Variants in RALGAPA1 observed in about 807,000 individuals in gnomAD.
RALGAPA1 encodes the protein ral GTPase-activating protein subunit alpha-1.
RALGAPA1 carries 52 observed loss-of-function variants against 269.6 expected under a neutral mutation model. The observed-to-expected ratio is 0.19, with a 90% CI of 0.15 to 0.24. RALGAPA1 has a LOEUF of 0.24. Ranked by LOEUF, RALGAPA1 falls within the 10% of genes least tolerant of loss-of-function variation. The pLI, the probability that RALGAPA1 is intolerant of heterozygous loss-of-function variation, is 1.00. For missense variants in RALGAPA1, 1,917 were observed against 3,013.9 expected (o/e 0.64, Z 8.52); for synonymous variants, 817 against 1,008.3 (o/e 0.81, Z 3.60).
chr14:35,556,694 A>G (rs1219123923), intron 39 of RALGAPA1, among the ~76,000 whole-genome samples: 5 of 152,168 alleles, frequency 3.3e-5, no homozygotes, highest in African/African-American at 9.7e-5. Flanking sequence ...CCTTTTAACC[A>G]TATTGCCAAG....
chr14:35,642,772 T>G (rs2062110983), intron 31 of RALGAPA1, among the ~76,000 whole-genome samples: 3 of 152,164 alleles, frequency 2.0e-5, no homozygotes, highest in Admixed American at 1.3e-4. Flanking sequence ...GAAGACAGTG[T>G]GGCAATTCCT....
chr14:35,599,143 A>G (rs2059115891), intron 36 of RALGAPA1, among the ~76,000 whole-genome samples: 1 of 152,188 alleles, frequency 6.6e-6, no homozygotes, highest in African/African-American at 2.4e-5. Flanking sequence ...GTTGTCATAA[A>G]TATTTCCTCT....
At chr14:35,620,727 CA>C (rs1423956540) in intron 35 of RALGAPA1, among the ~76,000 whole-genome samples, 16 of 151,982 alleles carry the variant, frequency 1.1e-4, no homozygotes, top group Admixed American at 1.0e-3. Context: ...AACAGACAAA[CA>C]AGAGAGTCAA....
chr14:35,751,892 G>A, intron 8 of RALGAPA1, 132 bp downstream of exon 8: 1 of 1,203,030 alleles, frequency 8.3e-7, no homozygotes, highest in South Asian at 2.5e-5. Context: ...ATGAATCTAG[G>A]TATCATATCT....
At chr14:35,648,132 A>C (rs1475515930) in intron 31 of RALGAPA1, among the ~76,000 whole-genome samples, 2 of 150,678 alleles carry the variant, frequency 1.3e-5, no homozygotes, top group South Asian at 2.1e-4. Flanking sequence ...AAAAAAAAAA[A>C]CCAACCAAAA....
At chr14:35,682,941 C>T (rs1448030042) in intron 21 of RALGAPA1, among the ~76,000 whole-genome samples, 2 of 152,120 alleles carry the variant, frequency 1.3e-5, no homozygotes, top group African/African-American at 2.4e-5. Context: ...TTTTAGAATT[C>T]CCCTGGCTCA....
intron 1 of RALGAPA1, among the ~76,000 whole-genome samples, chr14:35,790,615 G>A (rs1251088046): frequency 6.6e-6 from 1 of 151,172 alleles, no homozygotes; most frequent in Non-Finnish European, 1.5e-5. Flanking sequence ...TTGAACCGGG[G>A]AGGTGGAGAC....
chr14:35,761,034 T>A (rs2073653753), intron 5 of RALGAPA1, 28 bp from the exon 6 acceptor site: 1 of 1,490,416 alleles, frequency 6.7e-7, no homozygotes, highest in African/African-American at 1.4e-5. Flanking sequence ...TAGACAGTAT[T>A]TTTATTTATA....
At chr14:35,737,447 A>G (rs193183249) in intron 12 of RALGAPA1, among the ~76,000 whole-genome samples, 15 of 152,168 alleles carry the variant, frequency 9.9e-5, no homozygotes, top group African/African-American at 3.6e-4. Flanking sequence ...CCAGCTGCAT[A>G]TAAAAATACA....
At chr14:35,753,698 A>C (rs2072934861) in intron 7 of RALGAPA1, among the ~76,000 whole-genome samples, 1 of 152,120 alleles carries the variant, frequency 6.6e-6, no homozygotes, top group South Asian at 2.1e-4. Context: ...GAAAGGGTTG[A>C]GGGTAAGAGG....
At chr14:35,674,473 T>A in intron 23 of RALGAPA1, 43 bp downstream of exon 23, 1 of 1,521,278 alleles carries the variant, frequency 6.6e-7, no homozygotes, top group African/African-American at 1.4e-5. Context: ...TTTTTAAATA[T>A]TTTTATTTTC....
At chr14:35,773,401 ATC>A (rs1437070771) in intron 3 of RALGAPA1, among the ~76,000 whole-genome samples, 2 of 152,126 alleles carry the variant, frequency 1.3e-5, no homozygotes, top group African/African-American at 4.8e-5. Context: ...AAAACCTGGT[ATC>A]TCAGATCTTT....
intron 1 of RALGAPA1, among the ~76,000 whole-genome samples, chr14:35,798,669 T>C (rs2076750011): frequency 6.6e-6 from 1 of 152,164 alleles, no homozygotes; most frequent in Non-Finnish European, 1.5e-5. Flanking sequence ...TTAAAGGCAG[T>C]CCTTCATGCA....
At chr14:35,708,794 C>T (rs778017883) in intron 16 of RALGAPA1, among the ~76,000 whole-genome samples, 1 of 152,188 alleles carries the variant, frequency 6.6e-6, no homozygotes, top group African/African-American at 2.4e-5. Flanking sequence ...TATCTGCACT[C>T]CCATGTTTAT....
In RALGAPA1 at chr14:35,557,134, GTGTA is replaced by G. The variant is rs1348205366; in HGVS notation, c.7497-7904_7497-7901del. ...TGTGTGTGTGTGTGTGTGTGTGTGTGTGTATATATATTCTATTTTCATGAAAGTT... is the reference window on the plus strand; with the variant it reads ...TGTGTGTGTGTGTGTGTGTGTGTGTGTATATATTCTATTTTCATGAAAGTT... On this transcript the variant is annotated intron_variant, in intron 39 of 41. Transcript: ENST00000680220. 8.2e-5 allele frequency among the ~76,000 whole-genome samples: 12 copies of G among 146,908 alleles called. No individual in the cohort carries two copies. In the South Asian group the frequency reaches 1.3e-3, roughly 16 times the overall value.
At chr14:35,681,458 C>G (rs2065434201) in intron 21 of RALGAPA1, among the ~76,000 whole-genome samples, 1 of 152,108 alleles carries the variant, frequency 6.6e-6, no homozygotes, top group Non-Finnish European at 1.5e-5. Flanking sequence ...GGCAAAAGAC[C>G]TAAAACAGGT....
chr14:35,605,078 C>T (rs923773432), intron 36 of RALGAPA1, among the ~76,000 whole-genome samples: 4 of 152,082 alleles, frequency 2.6e-5, no homozygotes, highest in African/African-American at 2.4e-5. Flanking sequence ...CTAGAACTGT[C>T]TATTTTGTTG....
chr14:35,678,023 A>T lies in RALGAPA1; in HGVS notation c.4551T>A (p.Asp1517Glu). 3.7e-6 allele frequency: 6 copies of T among 1,613,418 alleles called. No homozygotes were observed. Among genetic ancestry groups the T allele is most frequent in the Non-Finnish European group, 5.1e-6 (6 of 1,179,826 alleles). Residue 1517 changes from aspartate to glutamate, a missense_variant, in exon 22 of 42, where the codon GAT (aspartate) becomes GAA (glutamate). Around this residue, in one of 11 missense-constraint regions of RALGAPA1, gnomAD observed 615 missense variants for 790.0 expected, o/e 0.78. Coordinates refer to ENST00000680220, the MANE Select transcript of RALGAPA1 (RefSeq NM_001346249.2). ...QTPSPSTLNI[D>E]HMEQKDLQLD... ...GCTGCAGATCCTTCTGTTCCATGTG[A>T]TCTATATTCAATGTAGAAGGGGAAG...
intron 41 of RALGAPA1, chr14:35,542,246 T>C (rs2054076561): frequency 3.0e-6 from 1 of 329,246 alleles, no homozygotes; most frequent in African/African-American, 2.2e-5. Context: ...AAAAATTCAG[T>C]TCCTCAGTAC....
Sources: gnomAD v4.1 joint callset for allele counts (sites outside exome capture counted in the v4.1 genomes callset) on GRCh38, gnomAD v4.1.1 for gene constraint, gnomAD v4.1.1 regional missense constraint, MANE v1.5 for transcripts, NCBI Gene and HGNC (gene_info 2026-07-23, HGNC 2026-07-21) for gene names.